The following NWD2 variants were observed in gnomAD, a reference collection of about 807,000 sequenced individuals.
NWD2 encodes the protein NACHT and WD repeat domain containing 2, also known as NACHT and WD repeat domain-containing protein 2.
NWD2 carries 37 observed loss-of-function variants against 132.7 expected under a neutral mutation model. The ratio of observed to expected loss-of-function variants is 0.28; its 90% confidence interval spans 0.21 to 0.37. The LOEUF (loss-of-function observed/expected upper bound fraction) is 0.37, where lower values mean the gene tolerates loss of function less well. Among genes scored for constraint, NWD2 ranks in the 10% least tolerant of loss-of-function variants. NWD2 has a pLI of 1.00. For synonymous variants in NWD2, 705 were observed against 803.0 expected, an observed-to-expected ratio of 0.88 and a Z score of 2.06; for missense variants, 1,592 against 2,122.4, an observed-to-expected ratio of 0.75 and a Z score of 4.91.
intron 3 of NWD2, among the ~76,000 whole-genome samples, chr4:37,417,954 T>C (rs2109321613): frequency 6.6e-6 from 1 of 152,258 alleles, no homozygotes; most frequent in South Asian, 2.1e-4. Flanking sequence ...GAGGTTAGTA[T>C]ATGCACATAT....
chr4:37,351,529 C>T (rs952269824), intron 2 of NWD2, among the ~76,000 whole-genome samples: 1 of 152,106 alleles, frequency 6.6e-6, no homozygotes, highest in Admixed American at 6.5e-5. Flanking sequence ...GTTGATATCG[C>T]CTTTATCATT....
rs113226816 is a variant in NWD2 at position 37,397,788 on chromosome 4, C to CCTCT, written c.358-32763_358-32760dup. On this transcript the variant is annotated intron_variant, in intron 3 of 6. Transcript: ENST00000309447. ...TAGCAACTTGTTACCCTGGGAACAG[C>CCTCT]CTCTCTCTCTCTCTCTCTCTCTCTT... Among the ~76,000 whole-genome samples, 397 of 148,782 alleles carry CCTCT rather than the reference C, an allele frequency of 2.7e-3. 5 individuals are homozygous for CCTCT. The highest frequency in any genetic ancestry group is 0.018 in the Admixed American group (266 of 14,872).
intron 1 of NWD2, among the ~76,000 whole-genome samples, chr4:37,289,899 G>A (rs13148014): frequency 0.49 from 73,970 of 151,554 alleles, 18,797 homozygotes; most frequent in Non-Finnish European, 0.57. Flanking sequence ...TTTTTTTTCC[G>A]GAGTTGTTGG....
At chr4:37,410,713 C>T (rs1721138428) in intron 3 of NWD2, among the ~76,000 whole-genome samples, 2 of 152,176 alleles carry the variant, frequency 1.3e-5, no homozygotes, top group South Asian at 4.1e-4. Flanking sequence ...GCACGTATCA[C>T]ACTTATTCTA....
At chr4:37,387,498 T>C (rs995945874) in intron 3 of NWD2, among the ~76,000 whole-genome samples, 1 of 151,554 alleles carries the variant, frequency 6.6e-6, no homozygotes, top group Non-Finnish European at 1.5e-5. Flanking sequence ...CATCAACATA[T>C]CATGTTTTCA....
At chr4:37,309,568 T>G (rs1486650309) in intron 1 of NWD2, among the ~76,000 whole-genome samples, 1 of 152,164 alleles carries the variant, frequency 6.6e-6, no homozygotes, top group Non-Finnish European at 1.5e-5. Context: ...GGCACCATAA[T>G]GCAGTAGTCT....
intron 3 of NWD2, among the ~76,000 whole-genome samples, chr4:37,382,644 G>A (rs1423885487): frequency 2.0e-5 from 3 of 151,908 alleles, no homozygotes; most frequent in African/African-American, 7.3e-5. Context: ...CAACAAATTT[G>A]TTCCAGCTGG....
At chr4:37,395,508 C>A (rs530513425) in intron 3 of NWD2, among the ~76,000 whole-genome samples, 2 of 142,806 alleles carry the variant, frequency 1.4e-5, no homozygotes, top group East Asian at 4.6e-4. Flanking sequence ...AAAGGGTCTG[C>A]CTCTCCCAGA....
chr4:37,322,169 C>T (rs949071496), intron 1 of NWD2, among the ~76,000 whole-genome samples: 14 of 152,106 alleles, frequency 9.2e-5, no homozygotes, highest in Non-Finnish European at 1.9e-4. Context: ...GAGCAAGACT[C>T]CAATCATTAG....
chr4:37,397,652 C>T (rs1720824851), intron 3 of NWD2, among the ~76,000 whole-genome samples: 1 of 152,164 alleles, frequency 6.6e-6, no homozygotes, highest in African/African-American at 2.4e-5. Flanking sequence ...ACCAATTCCC[C>T]AGCGTTCTCA....
chr4:37,369,655 A>G (rs1222499186), intron 3 of NWD2, among the ~76,000 whole-genome samples: 2 of 152,198 alleles, frequency 1.3e-5, no homozygotes, highest in Non-Finnish European at 2.9e-5. Context: ...CCTCCTTTAA[A>G]CAATCAAGGA....
chr4:37,273,762 C>G (rs1183030095), intron 1 of NWD2, among the ~76,000 whole-genome samples: 1 of 152,080 alleles, frequency 6.6e-6, no homozygotes, highest in Non-Finnish European at 1.5e-5. Flanking sequence ...AAACTAAACT[C>G]AGGATTAAGA....
intron 1 of NWD2, among the ~76,000 whole-genome samples, chr4:37,282,709 G>T (rs1392650067): frequency 1.3e-5 from 2 of 152,050 alleles, no homozygotes; most frequent in African/African-American, 2.4e-5. Context: ...CTGGGTTCTG[G>T]TTACACACAT....
intron 3 of NWD2, among the ~76,000 whole-genome samples, chr4:37,412,855 A>G (rs1432952070): frequency 6.6e-6 from 1 of 152,192 alleles, no homozygotes; most frequent in Non-Finnish European, 1.5e-5. Context: ...ATCTTTGACA[A>G]TCCTGACACA....
chr4:37,435,856 G>A (rs773653384), intron 5 of NWD2, among the ~76,000 whole-genome samples: 13 of 152,154 alleles, frequency 8.5e-5, no homozygotes, highest in Admixed American at 3.9e-4. Context: ...CTTATTTTAC[G>A]TTCAAACTCC....
At chr4:37,410,864 T>C (rs1226606606) in intron 3 of NWD2, among the ~76,000 whole-genome samples, 3 of 152,030 alleles carry the variant, frequency 2.0e-5, no homozygotes, top group Non-Finnish European at 1.5e-5. Flanking sequence ...CACAACTACA[T>C]GGAAACTGAA....
chr4:37,253,051 T>A (rs2109255804), intron 1 of NWD2, among the ~76,000 whole-genome samples: 1 of 151,356 alleles, frequency 6.6e-6, no homozygotes, highest in African/African-American at 2.4e-5. Flanking sequence ...TTGTTATAAT[T>A]AGATTATGTG....
intron 1 of NWD2, among the ~76,000 whole-genome samples, chr4:37,312,502 T>A (rs1004836547): frequency 2.6e-5 from 4 of 151,138 alleles, no homozygotes; most frequent in Admixed American, 2.0e-4. Flanking sequence ...TTTGCTGAAG[T>A]TGCTTATCAG....
At chr4:37,369,765 A>G (rs1720178508) in intron 3 of NWD2, among the ~76,000 whole-genome samples, 2 of 152,194 alleles carry the variant, frequency 1.3e-5, no homozygotes, top group Admixed American at 1.3e-4. Flanking sequence ...CCAACTTGCA[A>G]ATGCGCACAG....
Sources: gnomAD v4.1 joint callset for allele counts (sites outside exome capture counted in the v4.1 genomes callset) on GRCh38, gnomAD v4.1.1 for gene constraint, MANE v1.5 for transcripts, NCBI Gene and HGNC (gene_info 2026-07-23, HGNC 2026-07-21) for gene names.